Variants in GALNT16 observed in about 807,000 individuals in gnomAD.
The protein encoded by GALNT16 is UDP-GalNAc:polypeptide N-acetylgalactosaminyltransferase-like protein 1.
In GALNT16, 40 loss-of-function variants were observed where a neutral mutation model predicts 76.1. The observed-to-expected ratio is 0.53, with a 90% CI of 0.41 to 0.68. GALNT16 has a LOEUF of 0.68. GALNT16 is among the 30% of genes least tolerant of loss of function. The pLI is 0.00. For missense variants in GALNT16, 621 were observed against 731.9 expected, an observed-to-expected ratio of 0.85 and a Z score of 1.75; for synonymous variants, 276 against 285.2, an observed-to-expected ratio of 0.97 and a Z score of 0.32.
intron 14 of GALNT16, 104 bp downstream of exon 14, chr14:69,348,106 T>G: frequency 8.3e-7 from 1 of 1,198,008 alleles, no homozygotes; most frequent in Non-Finnish European, 1.2e-6. Flanking sequence ...AAATAAGCCC[T>G]TCAGAGCGAG....
chr14:69,361,619 G>GGC, downstream of GALNT16, among the ~76,000 whole-genome samples: 1 of 152,242 alleles, frequency 6.6e-6, no homozygotes, highest in East Asian at 1.9e-4. Flanking sequence ...ATCCTTACAT[G>GGC]GCTGATTCTT....
chr14:69,337,719 C>G (rs887094213), intron 9 of GALNT16, among the ~76,000 whole-genome samples: 1 of 152,206 alleles, frequency 6.6e-6, no homozygotes, highest in Admixed American at 6.5e-5. Context: ...CCCTGAACCA[C>G]ATCTGGACGT....
chr14:69,280,119 A>T (rs2140115003), intron 1 of GALNT16, among the ~76,000 whole-genome samples: 2 of 152,314 alleles, frequency 1.3e-5, no homozygotes, highest in Middle Eastern at 6.8e-3. Context: ...TTGTTGTGTG[A>T]CCATCACTAC....
intron 1 of GALNT16, among the ~76,000 whole-genome samples, chr14:69,264,069 A>C (rs866141771): frequency 3.9e-5 from 6 of 152,340 alleles, no homozygotes; most frequent in African/African-American, 1.4e-4. Context: ...GGTTTTCCAT[A>C]TGCCAGTTCA....
downstream of GALNT16, among the ~76,000 whole-genome samples, chr14:69,359,533 G>C (rs945378056): frequency 1.4e-4 from 21 of 152,016 alleles, no homozygotes; most frequent in African/African-American, 3.6e-4. Context: ...GCACTTTCTG[G>C]GTACCCAGAA....
At chr14:69,275,617 G>T (rs1172072852) in intron 1 of GALNT16, among the ~76,000 whole-genome samples, 6 of 152,248 alleles carry the variant, frequency 3.9e-5, no homozygotes, top group Admixed American at 3.9e-4. Flanking sequence ...AGCACTTGGG[G>T]AGACTGAGGC....
At chr14:69,315,207 A>G (rs113244698) in intron 1 of GALNT16, among the ~76,000 whole-genome samples, 217 of 152,358 alleles carry the variant, frequency 1.4e-3, no homozygotes, top group African/African-American at 4.9e-3. Flanking sequence ...GGTCTAATCG[A>G]AATGATAGAC....
intron 1 of GALNT16, among the ~76,000 whole-genome samples, chr14:69,269,778 A>G (rs114333426): frequency 0.013 from 1,748 of 137,456 alleles, 29 homozygotes; most frequent in African/African-American, 0.046. Context: ...TGTATGTAGT[A>G]TGTGTGTGTG....
chr14:69,263,814 A>G (rs1246135341), intron 1 of GALNT16, among the ~76,000 whole-genome samples: 3 of 152,228 alleles, frequency 2.0e-5, no homozygotes, highest in African/African-American at 7.2e-5. Context: ...GAATCTGTAA[A>G]GCTAAAGGGA....
At chr14:69,297,647 C>T (rs2044787060) in intron 1 of GALNT16, among the ~76,000 whole-genome samples, 1 of 145,768 alleles carries the variant, frequency 6.9e-6, no homozygotes, top group African/African-American at 2.5e-5. Context: ...AAAAAACAAA[C>T]TACAAAGAAA....
At chr14:69,278,813 A>G (rs192170719) in intron 1 of GALNT16, among the ~76,000 whole-genome samples, 1 of 152,354 alleles carries the variant, frequency 6.6e-6, no homozygotes, top group African/African-American at 2.4e-5. Flanking sequence ...TTAGATAAAT[A>G]CCTCAAAATA....
rs774155453 is a variant in GALNT16, at chr14:69,331,576, G to C, written c.778+25G>C. 7 of 1,354,018 alleles carry C rather than the reference G, an allele frequency of 5.2e-6. No individual in the cohort carries two copies. The South Asian group carries it at 7.0e-5, about 14-fold the overall frequency. 83.9% of individuals were successfully genotyped at this position (1,354,018 alleles called of 1,614,324 possible). Reference sequence around the variant, plus strand: ...GGTGAGTTCTGCTCCCGGGGGTGGGGCTGTAGACATGAAAGGAGGTAGGTG... The same window carrying C: ...GGTGAGTTCTGCTCCCGGGGGTGGGCCTGTAGACATGAAAGGAGGTAGGTG... On this transcript the variant is annotated intron_variant, in intron 7 of 14. Transcript: ENST00000448469.
At chr14:69,368,386 G>A in the GALNT16 span, among the ~76,000 whole-genome samples, 1 of 152,098 alleles carries the variant, frequency 6.6e-6, no homozygotes, top group African/African-American at 2.4e-5. Context: ...GTCAAGCCAG[G>A]GCTGCAGTCA....
chr14:69,263,313 GA>G (rs1036152030), intron 1 of GALNT16, among the ~76,000 whole-genome samples: 8 of 152,210 alleles, frequency 5.3e-5, no homozygotes, highest in African/African-American at 1.9e-4. Context: ...GGAGGTGGGG[GA>G]TGTACGTTCA....
chr14:69,284,594 C>T (rs1358450609), intron 1 of GALNT16, among the ~76,000 whole-genome samples: 1 of 152,220 alleles, frequency 6.6e-6, no homozygotes, highest in Non-Finnish European at 1.5e-5. Flanking sequence ...CAGCAAAATG[C>T]TGTGACTTGC....
chr14:69,310,905 A>AC (rs2045009325), intron 1 of GALNT16, among the ~76,000 whole-genome samples: 2 of 152,048 alleles, frequency 1.3e-5, no homozygotes, highest in Non-Finnish European at 2.9e-5. Flanking sequence ...ACAGAATGAG[A>AC]CCCCAGCTCA....
At chr14:69,328,688 A>G in intron 6 of GALNT16, 117 bp downstream of exon 6, 2 of 1,009,058 alleles carry the variant, frequency 2.0e-6, no homozygotes, top group South Asian at 1.6e-5. Context: ...AAGCCCAAAT[A>G]GTCTACTTCC....
chr14:69,285,826 T>C (rs4902709), intron 1 of GALNT16, among the ~76,000 whole-genome samples: 152,128 of 152,204 alleles, frequency 1, 76,026 homozygotes, highest in Middle Eastern at 1. Flanking sequence ...TCTGGATACA[T>C]ACCCCCTACC....
the GALNT16 span, among the ~76,000 whole-genome samples, chr14:69,373,693 A>G: frequency 8.1e-4 from 123 of 152,090 alleles, 1 homozygote; most frequent in African/African-American, 2.8e-3. Context: ...TCTCCCTCTA[A>G]GTCTTCTTTC....
Sources: gnomAD v4.1 joint callset for allele counts (sites outside exome capture counted in the v4.1 genomes callset) on GRCh38, gnomAD v4.1.1 for gene constraint, MANE v1.5 for transcripts, NCBI Gene and HGNC (gene_info 2026-07-23, HGNC 2026-07-21) for gene names.